SENP8: variants seen among roughly 807,000 people sequenced by gnomAD.
SENP8 encodes SUMO peptidase family member, NEDD8 specific, also known as sentrin-specific protease 8.
In SENP8, 10 loss-of-function variants were observed where a neutral mutation model predicts 14.4. The ratio of observed to expected loss-of-function variants is 0.69; its 90% confidence interval spans 0.43 to 1.18. SENP8 has a LOEUF of 1.18. SENP8 is among the 50% of genes most tolerant of loss of function. The probability of loss-of-function intolerance (pLI) is 0.00; values close to 1 mark genes in which losing one functional copy is unlikely to be tolerated. For synonymous variants in SENP8, 94 were observed against 95.5 expected, an observed-to-expected ratio of 0.98 and a Z score of 0.09; for missense variants, 202 against 249.4, an observed-to-expected ratio of 0.81 and a Z score of 1.28.
upstream of SENP8, chr15:72,118,271 C>G: frequency 1.0e-5 from 3 of 299,262 alleles, no homozygotes; most frequent in Non-Finnish European, 1.2e-5. Context: ...TTCCTACGCC[C>G]CAGGCGGCCC....
upstream of SENP8, among the ~76,000 whole-genome samples, chr15:72,117,500 G>C (rs2081036293): frequency 1.3e-5 from 2 of 152,200 alleles, no homozygotes; most frequent in Admixed American, 6.5e-5. Context: ...GAAGATACAG[G>C]GGGTGGGGTC....
chr15:72,120,069 G>C (rs2081149053), intron 1 of SENP8, among the ~76,000 whole-genome samples: 1 of 152,290 alleles, frequency 6.6e-6, no homozygotes, highest in East Asian at 1.9e-4. Flanking sequence ...CCAACATCCA[G>C]AGCTAAGCCA....
At chr15:72,117,870 CAG>C (rs1363650331), upstream of SENP8, 2 of 398,400 alleles carry the variant, frequency 5.0e-6, no homozygotes, top group Non-Finnish European at 8.9e-6. Flanking sequence ...CCCGCCCTGT[CAG>C]AGAGACTCCG....
intron 1 of SENP8, 35 bp from the exon 2 acceptor site, chr15:72,139,542 G>C (rs7175792): frequency 0.71 from 1,073,870 of 1,517,862 alleles, 384,376 homozygotes; most frequent in Non-Finnish European, 0.73. Flanking sequence ...GCATTTTACA[G>C]TCAGGTATTT....
chr15:72,130,491 G>A (rs2081262300), intron 1 of SENP8, among the ~76,000 whole-genome samples: 1 of 151,580 alleles, frequency 6.6e-6, no homozygotes, highest in Non-Finnish European at 1.5e-5. Flanking sequence ...AGCAGGCAGT[G>A]GGCCAGATTT....
At chr15:72,126,409 G>A (rs1288109755) in intron 1 of SENP8, among the ~76,000 whole-genome samples, 1 of 151,860 alleles carries the variant, frequency 6.6e-6, no homozygotes, top group Non-Finnish European at 1.5e-5. Context: ...GGATCACAAG[G>A]TCAGGAATTC....
chr15:72,138,908 T>G (rs1005455108), intron 1 of SENP8, among the ~76,000 whole-genome samples: 1 of 143,272 alleles, frequency 7.0e-6, no homozygotes, highest in Non-Finnish European at 1.5e-5. Context: ...GAGGTTGCAG[T>G]GAGCTGAGAT....
rs535909056 is a variant in SENP8 at position 72,119,014 on chromosome 15, G to T, written c.-48+550G>T. Among the ~76,000 whole-genome samples, 3 of 148,482 alleles carry T rather than the reference G, an allele frequency of 2.0e-5. No homozygotes were observed. The South Asian group carries it at 6.2e-4, about 31-fold the overall frequency. On this transcript the variant is annotated intron_variant, in intron 1 of 1. Coordinates refer to ENST00000340912, the MANE Select transcript of SENP8 (RefSeq NM_145204.4). ...ATAACGGGCGCAAGAGCATGTGACA[G>T]TGGTGGTCTGAAAGAGAAAAAAGAA...
intron 1 of SENP8, among the ~76,000 whole-genome samples, chr15:72,133,307 A>G (rs759415769): frequency 2.6e-5 from 4 of 152,256 alleles, no homozygotes; most frequent in Non-Finnish European, 5.9e-5. Flanking sequence ...CCTCCAGTAT[A>G]AATTTCAAAC....
At chr15:72,128,921 GGCT>G (rs1269028462) in intron 1 of SENP8, among the ~76,000 whole-genome samples, 1 of 152,102 alleles carries the variant, frequency 6.6e-6, no homozygotes, top group Non-Finnish European at 1.5e-5. Context: ...ACCTGAATGA[GGCT>G]GTTTCTCTCT....
chr15:72,128,296 A>G, intron 1 of SENP8, among the ~76,000 whole-genome samples: 1 of 152,242 alleles, frequency 6.6e-6, no homozygotes, highest in African/African-American at 2.4e-5. Flanking sequence ...CCAAATGAAT[A>G]AATTTACTTT....
chr15:72,116,266 TCTC>T (rs2080973287), upstream of SENP8, among the ~76,000 whole-genome samples: 1 of 151,804 alleles, frequency 6.6e-6, no homozygotes, highest in Non-Finnish European at 1.5e-5. Context: ...AATGTGATTT[TCTC>T]CTGTTACTTT....
upstream of SENP8, chr15:72,117,853 C>G: frequency 2.5e-6 from 1 of 398,564 alleles, no homozygotes; most frequent in East Asian, 3.6e-5. Flanking sequence ...GCGGCCGCGG[C>G]GCATCCCCCG....
At position 72,141,247 on chromosome 15, in the gene SENP8, CTT is replaced by C. The variant is rs1382163564; in HGVS notation, c.*986_*987del. Reference sequence around the variant, plus strand: ...ATTTTTGTATCTGAAACTTAACAGACTTAGAGTTGGTTTGTTTTTTAAATATA... The same window carrying C: ...ATTTTTGTATCTGAAACTTAACAGACAGAGTTGGTTTGTTTTTTAAATATA... On this transcript the variant is annotated 3_prime_UTR_variant, in exon 2 of 2. Transcript: ENST00000340912. 1.3e-5 allele frequency: 2 copies of C among 152,068 alleles called. No individual in the cohort carries two copies. Among genetic ancestry groups the C allele is most frequent in the Non-Finnish European group, 2.9e-5 (2 of 68,018 alleles). 9.4% of individuals were successfully genotyped at this position (152,068 alleles called of 1,614,324 possible). A position where few individuals can be genotyped will look rare whatever the true frequency, so the allele number is the denominator to read the frequency against.
chr15:72,135,223 G>A (rs918507201), intron 1 of SENP8: 11 of 179,036 alleles, frequency 6.1e-5, no homozygotes, highest in Non-Finnish European at 1.2e-4. Context: ...CACCACGCCC[G>A]GCTAATTTTT....
At chr15:72,118,299 C>T (rs908473858), upstream of SENP8, 60 of 259,898 alleles carry the variant, frequency 2.3e-4, no homozygotes, top group Non-Finnish European at 3.6e-5. Flanking sequence ...ATTTTTTCTT[C>T]TTCACCTTAC....
In SENP8 at chr15:72,139,014, C is replaced by CAATAACATAGCCAATTAAT. The variant is rs1250189194; in HGVS notation, c.-47-561_-47-543dup. 2.9e-5 allele frequency among the ~76,000 whole-genome samples: 4 copies of CAATAACATAGCCAATTAAT among 136,966 alleles called. No individual in the cohort carries two copies. The East Asian group carries it at 8.7e-4, about 30-fold the overall frequency. The allele number at this position is 136,966 out of a possible 152,430, so 89.9% of individuals were successfully genotyped here. On this transcript the variant is annotated intron_variant, in intron 1 of 1. Transcript: ENST00000340912. The stretch of plus-strand genomic sequence containing the variant: ...TACTACCAATAACATAGCCAATTAA[C>CAATAACATAGCCAATTAAT]AATAACATAGCCAATTAATACATGT...
intron 1 of SENP8, among the ~76,000 whole-genome samples, chr15:72,119,110 G>C (rs1212771998): frequency 6.6e-6 from 1 of 152,194 alleles, no homozygotes; most frequent in Admixed American, 6.5e-5. Context: ...TAAAGTTAGA[G>C]AAATGAGGAA....
At chr15:72,114,822 T>A (rs766373209), upstream of SENP8, among the ~76,000 whole-genome samples, 1 of 152,208 alleles carries the variant, frequency 6.6e-6, no homozygotes, top group Non-Finnish European at 1.5e-5. Flanking sequence ...AGTCTTTGAC[T>A]AATATTTATT....
Sources: gnomAD v4.1 joint callset for allele counts (sites outside exome capture counted in the v4.1 genomes callset) on GRCh38, gnomAD v4.1.1 for gene constraint, MANE v1.5 for transcripts, NCBI Gene and HGNC (gene_info 2026-07-23, HGNC 2026-07-21) for gene names.